The following GRIA1 variants were observed in gnomAD, a reference collection of about 807,000 sequenced individuals.
GRIA1 encodes the protein glutamate receptor 1.
In GRIA1, 31 loss-of-function variants were observed where a neutral mutation model predicts 99.2. The ratio of observed to expected loss-of-function variants is 0.31; its 90% CI spans 0.23 to 0.42. GRIA1 has a LOEUF of 0.42. GRIA1 is among the 10% of genes least tolerant of loss of function. GRIA1 has a pLI of 1.00. For missense variants in GRIA1, 782 were observed against 1,157.5 expected (o/e 0.68, Z 4.71); for synonymous variants, 438 against 432.4 (o/e 1.01, Z -0.16).
At chr5:153,778,161 G>A (rs1376653738) in intron 13 of GRIA1, among the ~76,000 whole-genome samples, 2 of 148,418 alleles carry the variant, frequency 1.3e-5, no homozygotes, top group African/African-American at 5.0e-5. Context: ...AAAGGAAGGA[G>A]GGAGGCAGAG....
chr5:153,690,394 C>T (rs1004586354), intron 8 of GRIA1, among the ~76,000 whole-genome samples: 1 of 152,098 alleles, frequency 6.6e-6, no homozygotes, highest in South Asian at 2.1e-4. Context: ...AGGCACATGA[C>T]CTTGAACACA....
intron 5 of GRIA1, among the ~76,000 whole-genome samples, chr5:153,673,629 C>T (rs1756359370): frequency 6.6e-6 from 1 of 152,182 alleles, no homozygotes; most frequent in Non-Finnish European, 1.5e-5. Flanking sequence ...GACGCCTCTG[C>T]AAGTTGATTC....
chr5:153,777,417 T>C (rs1349590218), intron 13 of GRIA1, among the ~76,000 whole-genome samples: 1 of 152,196 alleles, frequency 6.6e-6, no homozygotes, highest in Non-Finnish European at 1.5e-5. Context: ...TGCCAGAGTT[T>C]GACCTCACTG....
At chr5:153,565,445 T>C (rs1370181329) in intron 2 of GRIA1, among the ~76,000 whole-genome samples, 1 of 152,228 alleles carries the variant, frequency 6.6e-6, no homozygotes, top group Non-Finnish European at 1.5e-5. Context: ...ATGGCTTTAT[T>C]GAGATGTGTC....
intron 2 of GRIA1, among the ~76,000 whole-genome samples, chr5:153,495,793 A>G (rs184737519): frequency 1.3e-5 from 2 of 152,276 alleles, no homozygotes; most frequent in African/African-American, 4.8e-5. Flanking sequence ...CTATTTTGCT[A>G]TTAGATAACC....
At chr5:153,736,307 A>T (rs184810162) in intron 11 of GRIA1, among the ~76,000 whole-genome samples, 5 of 149,396 alleles carry the variant, frequency 3.3e-5, no homozygotes, top group Non-Finnish European at 5.9e-5. Flanking sequence ...CTCAAATTCC[A>T]ATGCCTTTTT....
chr5:153,655,120 G>C (rs1754845234), intron 4 of GRIA1, among the ~76,000 whole-genome samples: 3 of 152,130 alleles, frequency 2.0e-5, no homozygotes, highest in Admixed American at 2.0e-4. Context: ...TATCAGATCT[G>C]GGCAAAGCAT....
intron 2 of GRIA1, among the ~76,000 whole-genome samples, chr5:153,538,161 A>G (rs1758754603): frequency 1.3e-5 from 2 of 152,198 alleles, no homozygotes; most frequent in South Asian, 4.1e-4. Flanking sequence ...TATACACAAT[A>G]AAAGGGGGGC....
intron 2 of GRIA1, among the ~76,000 whole-genome samples, chr5:153,643,177 A>C (rs1452961184): frequency 6.6e-6 from 1 of 152,184 alleles, no homozygotes; most frequent in Non-Finnish European, 1.5e-5. Flanking sequence ...AAATAACTAA[A>C]ATATTGTCGA....
At chr5:153,810,489 T>C (rs760024113) in intron 15 of GRIA1, among the ~76,000 whole-genome samples, 1 of 152,234 alleles carries the variant, frequency 6.6e-6, no homozygotes, top group Non-Finnish European at 1.5e-5. Flanking sequence ...TATTTGAACA[T>C]TTCAAAGCAT....
chr5:153,782,459 G>A (rs1561856905), intron 13 of GRIA1, among the ~76,000 whole-genome samples: 2 of 152,128 alleles, frequency 1.3e-5, no homozygotes, highest in African/African-American at 2.4e-5. Flanking sequence ...TAGGAATGTT[G>A]TCACATATTC....
At chr5:153,699,154 G>A in intron 10 of GRIA1, 81 bp downstream of exon 10, 2 of 919,122 alleles carry the variant, frequency 2.2e-6, no homozygotes, top group Non-Finnish European at 3.5e-6. Context: ...GGGTGGCCCT[G>A]CCCACAGATG....
chr5:153,715,983 TG>T (rs1759639611), intron 11 of GRIA1, among the ~76,000 whole-genome samples: 1 of 152,052 alleles, frequency 6.6e-6, no homozygotes, highest in Non-Finnish European at 1.5e-5. Context: ...GGAGAAGAAG[TG>T]GGAAGAATTG....
intron 2 of GRIA1, among the ~76,000 whole-genome samples, chr5:153,601,026 G>C (rs1017678053): frequency 2.0e-5 from 3 of 152,152 alleles, no homozygotes; most frequent in African/African-American, 7.2e-5. Context: ...TCCTCTCACT[G>C]GAAGTTTTCA....
At chr5:153,661,664 A>G (rs1755380481) in intron 5 of GRIA1, among the ~76,000 whole-genome samples, 1 of 151,824 alleles carries the variant, frequency 6.6e-6, no homozygotes, top group South Asian at 2.1e-4. Context: ...TAAAAAGTCA[A>G]TGAATGAATG....
intron 14 of GRIA1, among the ~76,000 whole-genome samples, chr5:153,796,597 A>T (rs1382630832): frequency 6.6e-6 from 1 of 152,216 alleles, no homozygotes; most frequent in Non-Finnish European, 1.5e-5. Flanking sequence ...AGATTAAAAG[A>T]GAATTGAAAA....
chr5:153,636,748 C>G (rs572343794), intron 2 of GRIA1, among the ~76,000 whole-genome samples: 11 of 152,328 alleles, frequency 7.2e-5, no homozygotes, highest in African/African-American at 2.6e-4. Context: ...ATTGTATCCC[C>G]ACCCTGTGCT....
chr5:153,645,814 AAT>A (rs970301132), intron 2 of GRIA1, among the ~76,000 whole-genome samples: 9 of 152,194 alleles, frequency 5.9e-5, no homozygotes, highest in African/African-American at 2.2e-4. Context: ...AAAAGAAAAA[AAT>A]AATAATACCT....
chr5:153,731,579 C>G (rs1237259540), intron 11 of GRIA1, among the ~76,000 whole-genome samples: 1 of 152,004 alleles, frequency 6.6e-6, no homozygotes, highest in Non-Finnish European at 1.5e-5. Flanking sequence ...TAAGGCAGAA[C>G]CCATTTTTTT....
Sources: gnomAD v4.1 joint callset for allele counts (sites outside exome capture counted in the v4.1 genomes callset) on GRCh38, gnomAD v4.1.1 for gene constraint, MANE v1.5 for transcripts, NCBI Gene and HGNC (gene_info 2026-07-23, HGNC 2026-07-21) for gene names.